LEO1: variants seen among roughly 807,000 people sequenced by gnomAD.
The protein encoded by LEO1 is RNA polymerase-associated protein LEO1.
A neutral mutation model predicts 80.4 loss-of-function variants in LEO1; 34 were observed. That is an observed-to-expected ratio of 0.42 (90% CI 0.32 to 0.56). LEO1 has a LOEUF of 0.56. LEO1 is among the 20% of genes least tolerant of loss of function. The pLI is 0.10. For synonymous variants in LEO1, 262 were observed against 274.9 expected (o/e 0.95, Z 0.46); for missense variants, 631 against 814.2 (o/e 0.77, Z 2.74).
In LEO1 at chr15:51,966,243, T is replaced by C. The variant is rs781194468; in HGVS notation, c.320A>G (p.His107Arg). 6.2e-7 allele frequency: 1 copy of C among 1,614,036 alleles called. No homozygotes were observed. The highest frequency in any genetic ancestry group is 1.1e-5 in the South Asian group (1 of 91,086). ...EDNDPSDVDQ[H>R]SGSEAPNDDE... The stretch of plus-strand genomic sequence containing the variant: ...ATCATTAGGGGCTTCTGATCCACTG[T>C]GCTGATCTACATCTGAGGGGTCATT... Residue 107 changes from histidine (H) to arginine (R), a missense_variant, in exon 2 of 12, where the codon CAC becomes CGC. His to Arg is a conservative substitution (Grantham distance 29, BLOSUM62 0). This residue lies in a region of LEO1 where 394 missense variants were observed against 395.6 expected (regional missense o/e 1.00). Transcript: ENST00000299601.
rs2057075758 is a variant in LEO1, at chr15:51,966,197, T to C, written c.366A>G (p.Arg122=). The C allele has an allele frequency of 6.2e-7, 1 of 1,614,030 alleles. No individual in the cohort carries two copies. The highest frequency in any genetic ancestry group is 8.5e-7 in the Non-Finnish European group (1 of 1,180,036). Residue 122 remains arginine, a synonymous_variant, in exon 2 of 12, where the codon AGA becomes AGG. Coordinates refer to ENST00000299601, the MANE Select transcript of LEO1 (RefSeq NM_138792.4). ...CTGAATGATGGCTCCCTCCATCCGA[T>C]CTATGACCTTCGTCTTCATCATCAT... The part of the protein sequence containing the change: ...APNDDEDEGH[R]SDGGSHHSEA...
intron 6 of LEO1, among the ~76,000 whole-genome samples, chr15:51,958,056 A>G (rs2057002882): frequency 6.6e-6 from 1 of 152,158 alleles, no homozygotes; most frequent in Admixed American, 6.6e-5. Flanking sequence ...AGAAAATAAG[A>G]AATTTACAGG....
chr15:51,949,471 G>A (rs527622790), intron 10 of LEO1, among the ~76,000 whole-genome samples: 2 of 152,096 alleles, frequency 1.3e-5, no homozygotes, highest in African/African-American at 2.4e-5. Context: ...AGGCCAAGGC[G>A]GGCAGATCAC....
chr15:51,940,544 G>C (rs113245444), intron 11 of LEO1, among the ~76,000 whole-genome samples: 2,305 of 151,240 alleles, frequency 0.015, 69 homozygotes, highest in East Asian at 0.073. Context: ...CTGGGCGACA[G>C]AGCGAGACTC....
At chr15:51,948,454 C>T (rs547123751) in intron 10 of LEO1, among the ~76,000 whole-genome samples, 1 of 152,274 alleles carries the variant, frequency 6.6e-6, no homozygotes, top group Admixed American at 6.6e-5. Context: ...GGTCTCTGTA[C>T]TGTGGTCCCC....
chr15:51,938,937 C>A (rs771470011), intron 11 of LEO1, among the ~76,000 whole-genome samples: 3 of 152,224 alleles, frequency 2.0e-5, no homozygotes, highest in Non-Finnish European at 4.4e-5. Context: ...GTAATCCCAG[C>A]ACTTTGGGAG....
rs902439666 is a variant in LEO1, at chr15:51,964,130, C to G, written c.814+1619G>C. ...CTGAGGCAGGAGAATGGCGTGAACC[C>G]AGGAGGCGGAGCTTGCAGTGAGCTG... On this transcript the variant is annotated intron_variant, in intron 2 of 11. Coordinates refer to ENST00000299601, the MANE Select transcript of LEO1 (RefSeq NM_138792.4). Among the ~76,000 whole-genome samples, 66 of 151,672 alleles carry G rather than the reference C, an allele frequency of 4.4e-4. 1 individual carries two copies. Among genetic ancestry groups the G allele is most frequent in the African/African-American group, 1.5e-3 (63 of 41,344 alleles).
At chr15:51,944,264 A>T (rs569575875) in intron 11 of LEO1, among the ~76,000 whole-genome samples, 1 of 152,212 alleles carries the variant, frequency 6.6e-6, no homozygotes, top group Non-Finnish European at 1.5e-5. Flanking sequence ...CTGGCTTCTC[A>T]TCAGAACAAT....
chr15:51,970,361 G>A (rs995683986), intron 1 of LEO1, among the ~76,000 whole-genome samples: 7 of 152,142 alleles, frequency 4.6e-5, no homozygotes, highest in African/African-American at 1.7e-4. Flanking sequence ...GTTTCACCAT[G>A]TTGCCCAGGC....
intron 11 of LEO1, among the ~76,000 whole-genome samples, chr15:51,942,835 T>A (rs922563672): frequency 6.6e-6 from 1 of 151,102 alleles, no homozygotes; most frequent in African/African-American, 2.4e-5. Context: ...GGCAGGAGAA[T>A]TGCTTGAACC....
chr15:51,961,645 T>G (rs8034589), intron 3 of LEO1, among the ~76,000 whole-genome samples: 2 of 151,572 alleles, frequency 1.3e-5, no homozygotes, highest in African/African-American at 4.8e-5. Flanking sequence ...CCACCCACCT[T>G]GGCCTCCCAA....
chr15:51,939,081 A>G (rs1345451644), intron 11 of LEO1, among the ~76,000 whole-genome samples: 1 of 152,226 alleles, frequency 6.6e-6, no homozygotes, highest in African/African-American at 2.4e-5. Context: ...GCTACTCGAG[A>G]GACTGAGGCA....
intron 1 of LEO1, among the ~76,000 whole-genome samples, chr15:51,970,825 A>C (rs1259830467): frequency 6.6e-6 from 1 of 152,150 alleles, no homozygotes; most frequent in African/African-American, 2.4e-5. Context: ...TTGGGTTCTC[A>C]CTTCAAATAG....
chr15:51,964,514 C>T (rs753591089), intron 2 of LEO1, among the ~76,000 whole-genome samples: 31 of 148,302 alleles, frequency 2.1e-4, no homozygotes, highest in Non-Finnish European at 3.7e-4. Context: ...CAAACCTGCA[C>T]GTTGTGCACA....
chr15:51,963,382 TAAA>T (rs1443157971), intron 2 of LEO1, among the ~76,000 whole-genome samples: 1 of 151,902 alleles, frequency 6.6e-6, no homozygotes, highest in African/African-American at 2.4e-5. Flanking sequence ...GAAAAAAAGG[TAAA>T]AAGATTAAAA....
intron 6 of LEO1, among the ~76,000 whole-genome samples, chr15:51,957,425 A>G (rs1283466277): frequency 6.6e-6 from 1 of 152,194 alleles, no homozygotes; most frequent in Non-Finnish European, 1.5e-5. Context: ...ATGGGCTAAT[A>G]AACAGATGAG....
In LEO1 at chr15:51,938,291, A is replaced by C. The variant is rs778027491; in HGVS notation, c.1897-31T>G. The C allele has an allele frequency of 1.1e-5, 14 of 1,279,378 alleles. No individual in the cohort carries two copies. In the Admixed American group the frequency reaches 1.4e-4, roughly 13 times the overall value. The allele number at this position is 1,279,378 out of a possible 1,614,324, so 79.3% of individuals were successfully genotyped here. ...CAGATACAATTTTTACAAATCTACA[A>C]GTCAATAAAGAACATTTTTAGGATG... On this transcript the variant is annotated intron_variant, in intron 11 of 11. Coordinates refer to ENST00000299601, the MANE Select transcript of LEO1 (RefSeq NM_138792.4).
Position 51,966,386 on chromosome 15 carries a change from C to A in LEO1, c.177G>T (p.Lys59Asn). 6.2e-7 allele frequency: 1 copy of A among 1,614,118 alleles called. No homozygotes were observed. Among genetic ancestry groups the A allele is most frequent in the Non-Finnish European group, 8.5e-7 (1 of 1,179,942 alleles). Residue 59 changes from lysine to asparagine, a missense_variant, in exon 2 of 12, where the codon AAG becomes AAT. This residue lies in a region of LEO1 where 394 missense variants were observed against 395.6 expected (regional missense o/e 1.00). Transcript: ENST00000299601. ...ERGDSGQPSN[K>N]ELFGDDSEDE... Reference sequence around the variant, plus strand: ...CCTCACTGTCATCTCCAAACAGTTCCTTATTACTTGGTTGTCCTGAATCAC... The same window carrying A: ...CCTCACTGTCATCTCCAAACAGTTCATTATTACTTGGTTGTCCTGAATCAC...
At chr15:51,971,623 G>C in intron 1 of LEO1, 65 bp downstream of exon 1, 1 of 1,535,702 alleles carries the variant, frequency 6.5e-7, no homozygotes, top group Non-Finnish European at 9.0e-7. Context: ...GAGCCTCCAC[G>C]GTTGTCCGGC....
Sources: allele counts gnomAD v4.1 joint callset (sites outside exome capture counted in the v4.1 genomes callset), GRCh38; gene constraint gnomAD v4.1.1; regional missense constraint gnomAD v4.1.1; transcripts MANE v1.5; gene names NCBI Gene and HGNC (gene_info 2026-07-23, HGNC 2026-07-21).